ACSS1: variants seen among roughly 807,000 people sequenced by gnomAD.
ACSS1 encodes acetyl-coenzyme A synthetase 2-like, mitochondrial.
A neutral mutation model predicts 75.3 loss-of-function variants in ACSS1; 42 were observed. That is an observed-to-expected ratio of 0.56 (90% CI 0.44 to 0.72). The LOEUF (loss-of-function observed/expected upper bound fraction) is 0.72. Among genes scored for constraint, ACSS1 ranks in the 30% least tolerant of loss-of-function variants. The pLI is 0.00. For synonymous variants in ACSS1, 380 were observed against 376.8 expected, an observed-to-expected ratio of 1.01 and a Z score of -0.10; for missense variants, 782 against 935.7, an observed-to-expected ratio of 0.84 and a Z score of 2.14.
intron 2 of ACSS1, among the ~76,000 whole-genome samples, chr20:25,031,752 C>CA (rs1325567148): frequency 6.6e-6 from 1 of 152,170 alleles, no homozygotes; most frequent in Non-Finnish European, 1.5e-5. Flanking sequence ...CTTTTTCCAG[C>CA]AGCAGCTTCT....
chr20:25,044,405 C>T (rs942842055), intron 2 of ACSS1, among the ~76,000 whole-genome samples: 3 of 152,182 alleles, frequency 2.0e-5, no homozygotes, highest in African/African-American at 7.2e-5. Context: ...GGTGGGCAGT[C>T]ACTCCAACCC....
Position 25,046,808 on chromosome 20 carries a change from G to A in ACSS1, c.431+1277C>T, listed in dbSNP as rs758704659. ...GGGGGCCGCTCAGTTGTCCAGTGGG[G>A]CCCGAGGATCCAGGGCAGAAGAATG... On this transcript the variant is annotated intron_variant, in intron 2 of 13. Coordinates refer to ENST00000323482, the MANE Select transcript of ACSS1 (RefSeq NM_032501.4). 5.4e-5 allele frequency: 42 copies of A among 779,714 alleles called. No individual in the cohort carries two copies. In the South Asian group the frequency reaches 5.5e-4, roughly 10 times the overall value. The allele number at this position is 779,714 out of a possible 1,614,324, so 48.3% of individuals were successfully genotyped here.
At chr20:25,046,687 C>A (rs2089096141) in intron 2 of ACSS1, 1 of 674,334 alleles carries the variant, frequency 1.5e-6, no homozygotes, top group Non-Finnish European at 2.7e-6. Context: ...GGGCTTTGTT[C>A]GCAGGCAGAT....
At chr20:25,011,638 GCT>G (rs916867814) in intron 12 of ACSS1, 1 of 152,318 alleles carries the variant, frequency 6.6e-6, no homozygotes, top group African/African-American at 2.4e-5. Context: ...GTCCCTACCA[GCT>G]CTCTCCCACA....
Position 25,057,785 on chromosome 20 carries a change from G to T in ACSS1, c.318C>A (p.Gly106=). ...STGKIGWFLG[G]QLNVSVNCLD... ...CCCACTCACCAGAGACATTTAACTG[G>T]CCTCCCAGGAACCAGCCGATCTTGC... The change falls in exon 1 of 14, where the codon GGC becomes GGA. Residue 106 remains glycine (G), a synonymous_variant. Transcript: ENST00000323482. 1 of 1,584,794 alleles carries T rather than the reference G, an allele frequency of 6.3e-7. No homozygotes were observed. The highest frequency in any genetic ancestry group is 8.6e-7 in the Non-Finnish European group (1 of 1,159,138).
At chr20:25,023,188 A>C in intron 4 of ACSS1, 96 bp from the exon 5 acceptor site, 1 of 1,440,312 alleles carries the variant, frequency 6.9e-7, no homozygotes, top group Non-Finnish European at 9.3e-7. Flanking sequence ...CACAGGATTC[A>C]GAATTCACCT....
chr20:25,057,105 C>T (rs2089253030), intron 1 of ACSS1, among the ~76,000 whole-genome samples: 1 of 152,136 alleles, frequency 6.6e-6, no homozygotes, highest in Non-Finnish European at 1.5e-5. Flanking sequence ...AAGCAGGCCC[C>T]AGGTCGCTGG....
intron 2 of ACSS1, among the ~76,000 whole-genome samples, chr20:25,038,478 G>C (rs2088950475): frequency 6.6e-6 from 1 of 152,182 alleles, no homozygotes; most frequent in Admixed American, 6.5e-5. Flanking sequence ...TACAAGACAT[G>C]GGAAAAAGAG....
At chr20:25,037,321 CCT>C (rs2088929922) in intron 2 of ACSS1, among the ~76,000 whole-genome samples, 1 of 152,090 alleles carries the variant, frequency 6.6e-6, no homozygotes, top group Non-Finnish European at 1.5e-5. Flanking sequence ...CTGCAGACAC[CCT>C]GTGTCCTCCT....
In ACSS1 at chr20:25,057,911, C is replaced by T; in HGVS notation, c.192G>A (p.Gln64=). The change falls in exon 1 of 14, where the codon CAG becomes CAA. Residue 64 remains glutamine, a synonymous_variant. Transcript: ENST00000323482. ...QPGSYPALSA[Q]AAREPAAFWG... is the part of the protein sequence containing the mutation. ...AGAAGGCGGCCGGCTCCCGGGCTGC[C>T]TGTGCACTCAGCGCGGGATACGAGC... The T allele has an allele frequency of 6.2e-7, 1 of 1,611,678 alleles. No homozygotes were observed. The highest frequency in any genetic ancestry group is 8.5e-7 in the Non-Finnish European group (1 of 1,179,388).
intron 1 of ACSS1, among the ~76,000 whole-genome samples, chr20:25,052,741 G>A (rs568170007): frequency 6.6e-5 from 10 of 152,350 alleles, no homozygotes; most frequent in East Asian, 1.9e-4. Context: ...ATGAGGATGC[G>A]ACAAGCCATG....
chr20:25,025,925 C>T (rs1216259156), intron 3 of ACSS1, among the ~76,000 whole-genome samples: 1 of 152,136 alleles, frequency 6.6e-6, no homozygotes, highest in East Asian at 1.9e-4. Context: ...TTCATATGTG[C>T]AAAGTCTTTC....
At chr20:25,035,076 T>C (rs774331820) in intron 2 of ACSS1, among the ~76,000 whole-genome samples, 76 of 151,836 alleles carry the variant, frequency 5.0e-4, no homozygotes, top group Admixed American at 3.9e-4. Flanking sequence ...TTTGTATTTT[T>C]AGTAGAGACG....
Position 25,048,076 on chromosome 20 carries a change from G to T in ACSS1, c.431+9C>A, listed in dbSNP as rs1354228683. The T allele has an allele frequency of 1.2e-6, 2 of 1,612,926 alleles. No individual in the cohort carries two copies. Among genetic ancestry groups the T allele is most frequent in the African/African-American group, 1.3e-5 (1 of 74,846 alleles). On this transcript the variant is annotated intron_variant, in intron 2 of 13. Coordinates refer to ENST00000323482, the MANE Select transcript of ACSS1 (RefSeq NM_032501.4). ...TCCCTCGCACCTTGAACATTCGAGGGCACAGTACCTGTAGGTGATCCTCAC... is the reference window on the plus strand; with the variant it reads ...TCCCTCGCACCTTGAACATTCGAGGTCACAGTACCTGTAGGTGATCCTCAC...
At chr20:25,014,174 GA>G in intron 8 of ACSS1, 101 bp from the exon 9 acceptor site, 1 of 972,484 alleles carries the variant, frequency 1.0e-6, no homozygotes, top group South Asian at 1.5e-5. Flanking sequence ...TGTGGGCAAG[GA>G]AACGCCTCAG....
At chr20:25,057,704 G>A (rs1183664835) in intron 1 of ACSS1, 65 bp downstream of exon 1, 8 of 1,448,520 alleles carry the variant, frequency 5.5e-6, no homozygotes, top group South Asian at 2.8e-5. Context: ...CCGCTGGCGA[G>A]AGGCTCCGAG....
intron 2 of ACSS1, among the ~76,000 whole-genome samples, chr20:25,035,223 A>T (rs1490270937): frequency 3.3e-5 from 5 of 152,098 alleles, no homozygotes; most frequent in African/African-American, 1.2e-4. Flanking sequence ...AATACCTGAC[A>T]GGTGGCTCAA....
In ACSS1 at chr20:25,030,839, G is replaced by A; in HGVS notation, c.551C>T (p.Ala184Val). Reference protein sequence around the residue: ...VSPLAVAAMLACARIGAVHTV... With the variant: ...VSPLAVAAMLVCARIGAVHTV... Reference sequence around the variant, plus strand: ...GTGGACAGCTCCGATCCTGGCACAGGCCAGCATTGCTGCCACAGCCAATGG... The same window carrying A: ...GTGGACAGCTCCGATCCTGGCACAGACCAGCATTGCTGCCACAGCCAATGG... The change falls in exon 3 of 14, where the codon GCC (alanine) becomes GTC (valine). Residue 184 changes from alanine to valine, a missense_variant. By Grantham distance (64) the Ala-to-Val change is moderately conservative (BLOSUM62 0). This residue lies in a region of ACSS1 where 377 missense variants were observed against 383.1 expected (regional missense o/e 0.98). Transcript: ENST00000323482. 3 of 1,614,214 alleles carry A rather than the reference G, an allele frequency of 1.9e-6. No homozygotes were observed. The highest frequency in any genetic ancestry group is 2.5e-6 in the Non-Finnish European group (3 of 1,180,044).
At chr20:25,031,368 A>T (rs2088821038) in intron 2 of ACSS1, among the ~76,000 whole-genome samples, 1 of 152,176 alleles carries the variant, frequency 6.6e-6, no homozygotes, top group South Asian at 2.1e-4. Context: ...AATACCTGCA[A>T]AGACAAACTC....
Sources: allele counts gnomAD v4.1 joint callset (sites outside exome capture counted in the v4.1 genomes callset), GRCh38; gene constraint gnomAD v4.1.1; regional missense constraint gnomAD v4.1.1; transcripts MANE v1.5; gene names NCBI Gene and HGNC (gene_info 2026-07-23, HGNC 2026-07-21).